The following GRID2 variants were observed in gnomAD, a reference collection of about 807,000 sequenced individuals.
GRID2 encodes the protein glutamate ionotropic receptor delta type subunit 2.
GRID2 carries 33 observed loss-of-function variants against 114.8 expected under a neutral mutation model. That is an observed-to-expected ratio of 0.29 (90% confidence interval 0.22 to 0.38). The LOEUF (loss-of-function observed/expected upper bound fraction) is 0.38, where lower values mean the gene tolerates loss of function less well. Among genes scored for constraint, GRID2 ranks in the 10% least tolerant of loss-of-function variants. GRID2 has a pLI of 1.00. For synonymous variants in GRID2, 505 were observed against 449.9 expected, an observed-to-expected ratio of 1.12 and a Z score of -1.55; for missense variants, 1,184 against 1,257.7, an observed-to-expected ratio of 0.94 and a Z score of 0.89.
intron 2 of GRID2, among the ~76,000 whole-genome samples, chr4:93,050,720 T>C (rs1726629779): frequency 6.6e-6 from 1 of 152,096 alleles, no homozygotes; most frequent in African/African-American, 2.4e-5. Flanking sequence ...CATTTGAGAC[T>C]GGATAGTCCT....
intron 2 of GRID2, among the ~76,000 whole-genome samples, chr4:93,027,008 AAG>A (rs1491055484): frequency 6.6e-6 from 1 of 152,098 alleles, no homozygotes; most frequent in Non-Finnish European, 1.5e-5. Context: ...GAGAGGAAGA[AAG>A]GGGAAGAGTT....
At chr4:92,478,286 A>G (rs1560658128) in intron 1 of GRID2, among the ~76,000 whole-genome samples, 5 of 152,088 alleles carry the variant, frequency 3.3e-5, no homozygotes. Flanking sequence ...TCTTAGTCTG[A>G]TTGTTTGGAA....
rs10440370 is a variant in GRID2 at position 92,691,132 on chromosome 4, A to G, written c.244+100846A>G. On this transcript the variant is annotated intron_variant, in intron 2 of 15. Coordinates refer to ENST00000282020, the MANE Select transcript of GRID2 (RefSeq NM_001510.4). ...GTGTCAGCAAAGTGAACTATCAACC[A>G]TATCCCCTCCTTATTCTTCTAAGGT... Among the ~76,000 whole-genome samples the G allele has an allele frequency of 8.3e-3, 1,271 of 152,254 alleles. 15 individuals are homozygous for G. The highest frequency in any genetic ancestry group is 0.029 in the African/African-American group (1,205 of 41,554).
intron 2 of GRID2, among the ~76,000 whole-genome samples, chr4:92,670,497 A>G (rs1025079882): frequency 2.0e-5 from 3 of 152,126 alleles, no homozygotes; most frequent in Admixed American, 2.0e-4. Flanking sequence ...GTTCATTTTT[A>G]TGCTTATGAA....
intron 4 of GRID2, among the ~76,000 whole-genome samples, chr4:93,165,350 G>A (rs765924937): frequency 2.0e-5 from 3 of 151,888 alleles, no homozygotes; most frequent in Admixed American, 6.6e-5. Context: ...CCTAAATATA[G>A]CCAAAGTCAA....
chr4:92,674,500 T>G (rs62310179), intron 2 of GRID2, among the ~76,000 whole-genome samples: 9,277 of 152,178 alleles, frequency 0.061, 338 homozygotes, highest in East Asian at 0.16. Context: ...AATTTTCATC[T>G]CTTTACCCAT....
intron 1 of GRID2, among the ~76,000 whole-genome samples, chr4:92,557,000 TAG>T (rs1726884181): frequency 6.6e-6 from 1 of 152,144 alleles, no homozygotes; most frequent in African/African-American, 2.4e-5. Context: ...TTTTACCTTT[TAG>T]TTTTCATTCA....
chr4:93,222,954 C>T (rs1057045768), intron 6 of GRID2, among the ~76,000 whole-genome samples: 30 of 152,182 alleles, frequency 2.0e-4, no homozygotes, highest in South Asian at 2.1e-4. Context: ...CTTAAATACA[C>T]GTTCACCAAA....
At chr4:92,671,720 G>C (rs1290501478) in intron 2 of GRID2, among the ~76,000 whole-genome samples, 1 of 152,144 alleles carries the variant, frequency 6.6e-6, no homozygotes, top group Non-Finnish European at 1.5e-5. Flanking sequence ...TGGATAGTGA[G>C]AAGCAAGGAG....
intron 3 of GRID2, among the ~76,000 whole-genome samples, chr4:93,104,523 G>A (rs1409732975): frequency 6.7e-6 from 1 of 148,534 alleles, no homozygotes; most frequent in Non-Finnish European, 1.5e-5. Context: ...TGTTCTCATT[G>A]TTCAATTCCC....
intron 2 of GRID2, among the ~76,000 whole-genome samples, chr4:92,970,102 G>A (rs1356572192): frequency 2.0e-5 from 3 of 151,850 alleles, no homozygotes; most frequent in East Asian, 3.9e-4. Flanking sequence ...GAATGTCTCA[G>A]TATTGCTCAA....
intron 13 of GRID2, among the ~76,000 whole-genome samples, chr4:93,617,460 A>T (rs1264749444): frequency 6.6e-6 from 1 of 152,168 alleles, no homozygotes; most frequent in Non-Finnish European, 1.5e-5. Flanking sequence ...GTTTTCCTCC[A>T]TCATACCCAA....
At chr4:92,467,005 T>C (rs1721789924) in intron 1 of GRID2, among the ~76,000 whole-genome samples, 1 of 151,840 alleles carries the variant, frequency 6.6e-6, no homozygotes, top group African/African-American at 2.4e-5. Flanking sequence ...ATGATAATTC[T>C]TCAAATAAAT....
chr4:92,305,597 G>A (rs1173222427), intron 1 of GRID2, among the ~76,000 whole-genome samples: 1 of 152,138 alleles, frequency 6.6e-6, no homozygotes, highest in Non-Finnish European at 1.5e-5. Flanking sequence ...CGGGACTACT[G>A]CGGGCCGCGA....
intron 2 of GRID2, among the ~76,000 whole-genome samples, chr4:93,063,401 T>C (rs1327422695): frequency 1.3e-5 from 2 of 151,888 alleles, no homozygotes; most frequent in Non-Finnish European, 2.9e-5. Flanking sequence ...AGTTTTACAA[T>C]AAACTTTAGG....
intron 14 of GRID2, among the ~76,000 whole-genome samples, chr4:93,660,888 A>G (rs779516590): frequency 1.1e-4 from 16 of 152,230 alleles, no homozygotes; most frequent in East Asian, 7.8e-4. Flanking sequence ...AAAGCCCCCA[A>G]TCTTACACTG....
chr4:92,585,191 A>G (rs1375633386), intron 1 of GRID2, among the ~76,000 whole-genome samples: 2 of 151,992 alleles, frequency 1.3e-5, no homozygotes, highest in Admixed American at 6.6e-5. Flanking sequence ...ACACAAAGAG[A>G]AAAAGTGAGG....
chr4:93,395,140 C>T (rs1441963660), intron 8 of GRID2, among the ~76,000 whole-genome samples: 2 of 151,742 alleles, frequency 1.3e-5, no homozygotes, highest in African/African-American at 4.8e-5. Context: ...TGATTTTTTT[C>T]AAATAAAAGC....
intron 8 of GRID2, among the ~76,000 whole-genome samples, chr4:93,370,490 C>T (rs935106709): frequency 1.6e-3 from 237 of 147,550 alleles, no homozygotes; most frequent in African/African-American, 5.6e-3. Flanking sequence ...CACACACACA[C>T]GCACACACAC....
Sources: gnomAD v4.1 joint callset for allele counts (sites outside exome capture counted in the v4.1 genomes callset) on GRCh38, gnomAD v4.1.1 for gene constraint, MANE v1.5 for transcripts, NCBI Gene and HGNC (gene_info 2026-07-23, HGNC 2026-07-21) for gene names.